The following MYO1E variants were observed in gnomAD, a reference collection of about 807,000 sequenced individuals.
The protein encoded by MYO1E is myosin IE.
A neutral mutation model predicts 151.1 loss-of-function variants in MYO1E; 68 were observed. The observed-to-expected ratio is 0.45, with a 90% confidence interval of 0.37 to 0.55. The LOEUF is 0.55. MYO1E is among the 20% of genes least tolerant of loss of function. The pLI is 0.00. For missense variants in MYO1E, 1,363 were observed against 1,389.3 expected (o/e 0.98, Z 0.30); for synonymous variants, 601 against 501.7 (o/e 1.20, Z -2.64).
chr15:59,200,651 G>T (rs147379133), intron 16 of MYO1E, among the ~76,000 whole-genome samples: 1 of 152,106 alleles, frequency 6.6e-6, no homozygotes, highest in Non-Finnish European at 1.5e-5. Context: ...ATTAAGCAGA[G>T]ACCAACAACG....
intron 1 of MYO1E, among the ~76,000 whole-genome samples, chr15:59,300,935 C>A (rs28415824): frequency 6.8e-6 from 1 of 147,272 alleles, no homozygotes; most frequent in Non-Finnish European, 1.5e-5. Context: ...TGGCACCATG[C>A]CAGCTCATTG....
chr15:59,244,013 A>G (rs777607911), intron 4 of MYO1E, among the ~76,000 whole-genome samples: 1 of 152,164 alleles, frequency 6.6e-6, no homozygotes, highest in Non-Finnish European at 1.5e-5. Flanking sequence ...TTACACTAAA[A>G]AACTAATTCT....
intron 1 of MYO1E, among the ~76,000 whole-genome samples, chr15:59,333,861 A>G (rs1431008181): frequency 6.6e-6 from 1 of 152,240 alleles, no homozygotes; most frequent in East Asian, 1.9e-4. Flanking sequence ...ATATCCTCAT[A>G]GGAAAGAGCT....
chr15:59,244,693 A>G (rs924171332), intron 4 of MYO1E, among the ~76,000 whole-genome samples: 1 of 152,208 alleles, frequency 6.6e-6, no homozygotes, highest in Non-Finnish European at 1.5e-5. Flanking sequence ...ACTTTGTCAC[A>G]TTTCAAATGC....
At chr15:59,144,113 C>T (rs1309987967) in intron 26 of MYO1E, among the ~76,000 whole-genome samples, 3 of 152,160 alleles carry the variant, frequency 2.0e-5, no homozygotes, top group Non-Finnish European at 4.4e-5. Context: ...AAAACCTGAG[C>T]AGATTCAGGC....
chr15:59,200,688 A>G (rs1210303362), intron 16 of MYO1E, among the ~76,000 whole-genome samples: 1 of 152,204 alleles, frequency 6.6e-6, no homozygotes, highest in African/African-American at 2.4e-5. Flanking sequence ...GCTAATGGGA[A>G]AGAATGTAGT....
At chr15:59,292,743 C>G (rs2080427109) in intron 1 of MYO1E, among the ~76,000 whole-genome samples, 1 of 152,230 alleles carries the variant, frequency 6.6e-6, no homozygotes, top group Non-Finnish European at 1.5e-5. Context: ...CAGCTACAAA[C>G]AAGACCGCGA....
intron 4 of MYO1E, among the ~76,000 whole-genome samples, chr15:59,247,032 CA>C (rs2080134573): frequency 6.6e-6 from 1 of 152,086 alleles, no homozygotes; most frequent in Non-Finnish European, 1.5e-5. Flanking sequence ...CCTGTCGCTA[CA>C]AAAAATTTAA....
chr15:59,141,394 C>T (rs558530056), intron 26 of MYO1E, among the ~76,000 whole-genome samples: 13 of 152,272 alleles, frequency 8.5e-5, no homozygotes, highest in South Asian at 6.2e-4. Context: ...CTCCTGTATA[C>T]GTTAAATCAC....
intron 1 of MYO1E, among the ~76,000 whole-genome samples, chr15:59,319,950 C>T (rs1420241698): frequency 1.3e-5 from 2 of 152,084 alleles, no homozygotes; most frequent in East Asian, 1.9e-4. Flanking sequence ...GACTCCTCCA[C>T]CTCGAACTGA....
intron 4 of MYO1E, among the ~76,000 whole-genome samples, chr15:59,247,530 G>A (rs1019826776): frequency 6.6e-6 from 1 of 152,156 alleles, no homozygotes; most frequent in African/African-American, 2.4e-5. Context: ...AGAGTGGTAA[G>A]GATTAAGAGA....
intron 25 of MYO1E, 44 bp downstream of exon 25, chr15:59,158,243 G>A (rs1282216061): frequency 7.0e-7 from 1 of 1,432,892 alleles, no homozygotes; most frequent in African/African-American, 1.4e-5. Context: ...TAAGTTATGG[G>A]TCCAGATTTA....
chr15:59,245,166 C>G (rs755036040), intron 4 of MYO1E, among the ~76,000 whole-genome samples: 4 of 152,126 alleles, frequency 2.6e-5, no homozygotes, highest in Admixed American at 6.5e-5. Flanking sequence ...CCCTGAAAAG[C>G]GTCCCCATGC....
At chr15:59,179,688 T>C (rs1364936813) in intron 18 of MYO1E, among the ~76,000 whole-genome samples, 3 of 152,224 alleles carry the variant, frequency 2.0e-5, no homozygotes, top group Non-Finnish European at 4.4e-5. Context: ...TCTCTGTCTC[T>C]TTCATGATGG....
intron 1 of MYO1E, among the ~76,000 whole-genome samples, chr15:59,369,736 G>A (rs1190104241): frequency 6.6e-6 from 1 of 152,152 alleles, no homozygotes; most frequent in African/African-American, 2.4e-5. Context: ...GAGGAAGATA[G>A]AAGGTGAACT....
At chr15:59,221,692 G>A (rs553558468) in intron 9 of MYO1E, among the ~76,000 whole-genome samples, 1 of 152,266 alleles carries the variant, frequency 6.6e-6, no homozygotes, top group African/African-American at 2.4e-5. Flanking sequence ...AGTTGCCAGT[G>A]CTCGGCCTTA....
At chr15:59,342,457 G>A (rs189244631) in intron 1 of MYO1E, among the ~76,000 whole-genome samples, 95 of 152,270 alleles carry the variant, frequency 6.2e-4, no homozygotes, top group Admixed American at 4.2e-3. Context: ...TCTTTTAGTA[G>A]TTTCATAGTT....
intron 1 of MYO1E, among the ~76,000 whole-genome samples, chr15:59,362,765 A>G (rs1312140418): frequency 3.3e-5 from 5 of 152,224 alleles, no homozygotes; most frequent in African/African-American, 1.2e-4. Context: ...TTCTGTGACC[A>G]TGTAATGTTA....
At chr15:59,328,404 T>G (rs957740534) in intron 1 of MYO1E, among the ~76,000 whole-genome samples, 1 of 151,950 alleles carries the variant, frequency 6.6e-6, no homozygotes, top group South Asian at 2.1e-4. Flanking sequence ...GGTGGCAAAT[T>G]GACCAGACAA....
Sources: gnomAD v4.1 joint callset for allele counts (sites outside exome capture counted in the v4.1 genomes callset) on GRCh38, gnomAD v4.1.1 for gene constraint, MANE v1.5 for transcripts, NCBI Gene and HGNC (gene_info 2026-07-23, HGNC 2026-07-21) for gene names.